The following HERC2 variants were observed in gnomAD, a reference collection of about 807,000 sequenced individuals.
HERC2 encodes HECT and RLD domain containing E3 ubiquitin protein ligase 2, also known as E3 ubiquitin-protein ligase HERC2.
A neutral mutation model predicts 537.7 loss-of-function variants in HERC2; 102 were observed. The observed-to-expected ratio is 0.19, with a 90% CI of 0.16 to 0.22. HERC2 has a LOEUF of 0.22. Among genes scored for constraint, HERC2 ranks in the 10% least tolerant of loss-of-function variants. The probability of loss-of-function intolerance (pLI) is 1.00; values close to 1 mark genes in which losing one functional copy is unlikely to be tolerated. For missense variants in HERC2, 4,236 were observed against 6,198.2 expected (o/e 0.68, Z 10.63); for synonymous variants, 2,224 against 2,466.2 (o/e 0.90, Z 2.91).
At chr15:28,236,812 T>G (rs1451311970) in intron 26 of HERC2, 151 bp downstream of exon 26, 1 of 591,836 alleles carries the variant, frequency 1.7e-6, no homozygotes, top group East Asian at 3.1e-5. Context: ...GGTCTCAAAC[T>G]CTTGACCTCA....
rs536335512 is a variant in HERC2 at position 28,247,184 on chromosome 15, G to A, written c.3236-287C>T. Among the ~76,000 whole-genome samples, 500 of 151,720 alleles carry A rather than the reference G, an allele frequency of 3.3e-3. 3 individuals are homozygous for A. The highest frequency in any genetic ancestry group is 0.011 in the African/African-American group (475 of 41,364). ...TTAAAGATTTTTTTTTTTAACAGAC[G>A]GGGGTCTCACCATGTTGCCCAGATT... On this transcript the variant is annotated intron_variant, in intron 21 of 92. Transcript: ENST00000261609.
chr15:28,245,602 C>T (rs933379643), intron 23 of HERC2, among the ~76,000 whole-genome samples: 1 of 142,904 alleles, frequency 7.0e-6, no homozygotes. Context: ...CACACACACA[C>T]ACAGATATAT....
intron 69 of HERC2, among the ~76,000 whole-genome samples, chr15:28,155,395 GCTC>G (rs1351942714): frequency 1.2e-4 from 19 of 152,242 alleles, no homozygotes; most frequent in South Asian, 6.2e-4. Context: ...GTGTAAAAGT[GCTC>G]CTATTTCTCC....
chr15:28,280,114 T>C lies in HERC2; in HGVS notation c.496A>G (p.Lys166Glu). The part of the protein sequence containing the change: ...RTVFQENVKV[K>E]WKSSGISLPP... ...AGAGAAATACCGCTGCTTTTCCACT[T>C]AACTTTGACATTCTCCTGAAAAACG... Residue 166 changes from lysine (K) to glutamate (E), a missense_variant, in exon 5 of 93, where the codon AAG becomes GAG. Lys to Glu is a moderately conservative substitution (Grantham distance 56). Coordinates refer to ENST00000261609, the MANE Select transcript of HERC2 (RefSeq NM_004667.6). The C allele has an allele frequency of 6.2e-7, 1 of 1,614,150 alleles. No individual in the cohort carries two copies. The highest frequency in any genetic ancestry group is 1.1e-5 in the South Asian group (1 of 91,064).
rs1338096023 is a variant in HERC2 at position 28,192,075 on chromosome 15, C to A, written c.8337G>T (p.Leu2779=). Residue 2779 remains leucine (L), a synonymous_variant, in exon 53 of 93, where the codon CTG becomes CTT. Coordinates refer to ENST00000261609, the MANE Select transcript of HERC2 (RefSeq NM_004667.6). Reference sequence around the variant, plus strand: ...TCTTCACCATGCGGGACCAGCTGTCCAGCAGCATGCCTGGCTGGCTGCTGT... The same window carrying A: ...TCTTCACCATGCGGGACCAGCTGTCAAGCAGCATGCCTGGCTGGCTGCTGT... The part of the protein sequence containing the change: ...RCHSSQPGML[L]DSWSRMVKSL... 5 of 1,614,052 alleles carry A rather than the reference C, an allele frequency of 3.1e-6. No individual in the cohort carries two copies. Among genetic ancestry groups the A allele is most frequent in the Non-Finnish European group, 4.2e-6 (5 of 1,180,026 alleles).
Position 28,196,258 on chromosome 15 carries a change from T to G in HERC2, c.8217A>C (p.Lys2739Asn), listed in dbSNP as rs754746887. 4 of 1,458,580 alleles carry G rather than the reference T, an allele frequency of 2.7e-6. No individual in the cohort carries two copies. In the Admixed American group the frequency reaches 5.5e-5, roughly 20 times the overall value. The allele number at this position is 1,458,580 out of a possible 1,614,324, so 90.4% of individuals were successfully genotyped here. Reference protein sequence around the residue: ...FDFCETCFKTKKHNTRHTFGR... With the variant: ...FDFCETCFKTNKHNTRHTFGR... ...CAAATGTATGCCTGGTATTGTGTTT[T>G]TTGGTCTTGAAACACGTTTCACAAA... Residue 2739 changes from lysine to asparagine, a missense_variant, in exon 52 of 93, where the codon AAA (lysine) becomes AAC (asparagine). This residue lies in a region of HERC2 where 606 missense variants were observed against 884.5 expected (regional missense o/e 0.69). Coordinates refer to ENST00000261609, the MANE Select transcript of HERC2 (RefSeq NM_004667.6).
chr15:28,278,037 C>T (rs2075922269), intron 5 of HERC2, among the ~76,000 whole-genome samples: 1 of 151,804 alleles, frequency 6.6e-6, no homozygotes, highest in South Asian at 2.1e-4. Flanking sequence ...GAGAGGGTTG[C>T]TTGAGCCCAG....
chr15:28,173,658 C>T (rs1332972233), intron 65 of HERC2, among the ~76,000 whole-genome samples: 1 of 151,846 alleles, frequency 6.6e-6, no homozygotes, highest in Non-Finnish European at 1.5e-5. Flanking sequence ...CAAAAATTAG[C>T]CAGGCATGGT....
At position 28,274,895 on chromosome 15, in the gene HERC2, G is replaced by T; in HGVS notation, c.643+10C>A. Reference sequence around the variant, plus strand: ...GGAAGCAGAACAACGCGCCACACCAGGGACCGTACCTGATCGCCAGGCCCT... The same window carrying T: ...GGAAGCAGAACAACGCGCCACACCATGGACCGTACCTGATCGCCAGGCCCT... On this transcript the variant is annotated intron_variant, in intron 6 of 92. Transcript: ENST00000261609. 4 of 1,604,762 alleles carry T rather than the reference G, an allele frequency of 2.5e-6. No homozygotes were observed.
chr15:28,239,878 G>GA (rs1902871436), intron 23 of HERC2, among the ~76,000 whole-genome samples: 1 of 152,112 alleles, frequency 6.6e-6, no homozygotes. Context: ...GTTGTTGGGA[G>GA]AAAGACTGAA....
chr15:28,167,749 G>C lies in HERC2; in HGVS notation c.10492C>G (p.Pro3498Ala). The change falls in exon 68 of 93, where the codon CCA becomes GCA. Residue 3498 changes from proline to alanine, a missense_variant. Coordinates refer to ENST00000261609, the MANE Select transcript of HERC2 (RefSeq NM_004667.6). ...GCGGCTCCCAGGTCATCCGTCACTG[G>C]GATAAAAGGCCGAGCGGAGGCTGAG... ...APSASARPFIPVTDDLGAASI... is the reference protein window; with the variant it reads ...APSASARPFIAVTDDLGAASI... 6.2e-7 allele frequency: 1 copy of C among 1,614,154 alleles called. No individual in the cohort carries two copies. The highest frequency in any genetic ancestry group is 8.5e-7 in the Non-Finnish European group (1 of 1,180,044).
intron 70 of HERC2, among the ~76,000 whole-genome samples, chr15:28,152,079 G>A (rs1290388326): frequency 1.3e-5 from 2 of 152,190 alleles, no homozygotes; most frequent in African/African-American, 4.8e-5. Context: ...TGCTGAGGCT[G>A]AGTCACAACC....
intron 86 of HERC2, chr15:28,117,437 C>G: frequency 1.5e-6 from 1 of 678,074 alleles, no homozygotes; most frequent in Admixed American, 2.0e-5. Context: ...CAACACGACA[C>G]ACACCACCAC....
chr15:28,126,280 T>A (rs2142119370), intron 83 of HERC2, among the ~76,000 whole-genome samples: 1 of 152,312 alleles, frequency 6.6e-6, no homozygotes, highest in South Asian at 2.1e-4. Flanking sequence ...GAAAACGCGT[T>A]GTGATGGAAA....
At chr15:28,296,108 T>C (rs768668378) in intron 3 of HERC2, among the ~76,000 whole-genome samples, 38 of 152,114 alleles carry the variant, frequency 2.5e-4, no homozygotes, top group Non-Finnish European at 5.0e-4. Context: ...CCCGAATCAG[T>C]TGGGATCTAC....
chr15:28,255,262 G>A (rs767231113), intron 19 of HERC2, among the ~76,000 whole-genome samples: 1 of 152,118 alleles, frequency 6.6e-6, no homozygotes, highest in Admixed American at 6.5e-5. Flanking sequence ...TTGAGCCTAG[G>A]AGGACAAGGC....
intron 44 of HERC2, among the ~76,000 whole-genome samples, chr15:28,208,631 C>T (rs1356212283): frequency 6.6e-6 from 1 of 152,114 alleles, no homozygotes; most frequent in East Asian, 1.9e-4. Flanking sequence ...CCAGCTTCAG[C>T]CCCACCACTC....
At chr15:28,273,682 CAAG>C (rs2075798732) in intron 7 of HERC2, among the ~76,000 whole-genome samples, 1 of 152,194 alleles carries the variant, frequency 6.6e-6, no homozygotes, top group Non-Finnish European at 1.5e-5. Context: ...CTGCTGGCTG[CAAG>C]AAGGCACAGT....
intron 67 of HERC2, among the ~76,000 whole-genome samples, chr15:28,168,196 C>T (rs1297347646): frequency 3.9e-5 from 6 of 152,112 alleles, no homozygotes; most frequent in African/African-American, 9.7e-5. Context: ...GGACTGTGAA[C>T]TTGATTTAAT....
Sources: allele counts gnomAD v4.1 joint callset (sites outside exome capture counted in the v4.1 genomes callset), GRCh38; gene constraint gnomAD v4.1.1; regional missense constraint gnomAD v4.1.1; transcripts MANE v1.5; gene names NCBI Gene and HGNC (gene_info 2026-07-23, HGNC 2026-07-21).